The following SUGP2 variants were observed in gnomAD, a reference collection of about 807,000 sequenced individuals.
SUGP2 encodes the protein SURP and G-patch domain containing 2.
Under a neutral mutation model 90.5 loss-of-function variants are expected in SUGP2, and 24 were observed. The ratio of observed to expected loss-of-function variants is 0.27; its 90% CI spans 0.19 to 0.37. SUGP2 has a LOEUF of 0.37. Ranked by LOEUF, SUGP2 falls within the 10% of genes least tolerant of loss-of-function variation. The pLI is 1.00. For missense variants in SUGP2, 1,233 were observed against 1,363.3 expected, an observed-to-expected ratio of 0.90 and a Z score of 1.51; for synonymous variants, 473 against 513.4, an observed-to-expected ratio of 0.92 and a Z score of 1.06.
At chr19:18,994,314 A>C (rs2057483640) in intron 10 of SUGP2, 52 bp downstream of exon 10, 1 of 1,585,942 alleles carries the variant, frequency 6.3e-7, no homozygotes, top group South Asian at 1.1e-5. Context: ...TTCTCTGCAT[A>C]CCAGCACGCC....
At chr19:19,028,596 AAC>A (rs2059021897) in intron 2 of SUGP2, among the ~76,000 whole-genome samples, 1 of 152,242 alleles carries the variant, frequency 6.6e-6, no homozygotes, top group Admixed American at 6.5e-5. Flanking sequence ...GGAGCAGAGA[AAC>A]AGAGAAAGGC....
At chr19:19,021,443 T>C (rs976322382) in intron 3 of SUGP2, among the ~76,000 whole-genome samples, 1 of 152,122 alleles carries the variant, frequency 6.6e-6, no homozygotes, top group East Asian at 1.9e-4. Flanking sequence ...CTACTAGTTT[T>C]ACATGATTTT....
Position 18,994,228 on chromosome 19 carries a change from C to G in SUGP2, c.*138G>C, listed in dbSNP as rs190807094. 2.4e-6 allele frequency: 3 copies of G among 1,227,098 alleles called. No homozygotes were observed. In the South Asian group the frequency reaches 4.2e-5, roughly 17 times the overall value. 76.0% of individuals were successfully genotyped at this position (1,227,098 alleles called of 1,614,324 possible). ...CACATCCATAGACCCTTTTGTTTCCCTCACAGAATTTTGTGATTTTTTTTG... is the reference window on the plus strand; with the variant it reads ...CACATCCATAGACCCTTTTGTTTCCGTCACAGAATTTTGTGATTTTTTTTG... On this transcript the variant is annotated intron_variant, in intron 10 of 10. Coordinates refer to ENST00000452918, the MANE Select transcript of SUGP2 (RefSeq NM_001017392.5).
intron 7 of SUGP2, among the ~76,000 whole-genome samples, chr19:19,003,062 G>T (rs541307945): frequency 6.6e-6 from 1 of 152,234 alleles, no homozygotes; most frequent in African/African-American, 2.4e-5. Flanking sequence ...TCTTGCCTCA[G>T]TCCCGCTAAG....
intron 10 of SUGP2, 48 bp downstream of exon 10, chr19:18,994,318 G>T: frequency 6.3e-7 from 1 of 1,589,742 alleles, no homozygotes; most frequent in Non-Finnish European, 8.6e-7. Context: ...CTGCATACCA[G>T]CACGCCAGCG....
intron 3 of SUGP2, 32 bp from the exon 4 acceptor site, chr19:19,019,261 T>C (rs550417467): frequency 6.3e-7 from 1 of 1,594,400 alleles, no homozygotes; most frequent in African/African-American, 1.3e-5. Context: ...CTCTGAGAAA[T>C]ATGCTGAATG....
rs1044550258 is a variant in SUGP2, at chr19:19,033,264, C to A, written c.-12+173G>T. On this transcript the variant is annotated intron_variant, in intron 1 of 10. Coordinates refer to ENST00000452918, the MANE Select transcript of SUGP2 (RefSeq NM_001017392.5). Reference sequence around the variant, plus strand: ...GGGCGAGGAAATGGGGGCGCCGGGCCCGGGAGGCCGCAGCCGGCCACCCAG... The same window carrying A: ...GGGCGAGGAAATGGGGGCGCCGGGCACGGGAGGCCGCAGCCGGCCACCCAG... 4.2e-5 allele frequency: 29 copies of A among 682,576 alleles called. No individual in the cohort carries two copies. In the African/African-American group the frequency reaches 5.2e-4, roughly 12 times the overall value. 42.3% of individuals were successfully genotyped at this position (682,576 alleles called of 1,614,324 possible).
intron 3 of SUGP2, 139 bp from the exon 4 acceptor site, chr19:19,019,368 G>A: frequency 1.1e-6 from 1 of 933,076 alleles, no homozygotes. Context: ...CAAGACACCA[G>A]CATTGAAAAG....
chr19:18,995,110 C>CCCCCCCA, intron 9 of SUGP2, 34 bp downstream of exon 9: 1 of 1,584,304 alleles, frequency 6.3e-7, no homozygotes, highest in Non-Finnish European at 8.6e-7. Context: ...ACTGAGGCCC[C>CCCCCCCA]ACCCACTCCC....
Position 19,005,261 on chromosome 19 carries a change from A to C in SUGP2, c.2451-615T>G, listed in dbSNP as rs148724771. On this transcript the variant is annotated intron_variant, in intron 6 of 10. Transcript: ENST00000452918. Reference sequence around the variant, plus strand: ...AGCTGTGGCTGGTATGAGAAACTTGAAACACTCCCGAAAGCACCAAAGTCC... The same window carrying C: ...AGCTGTGGCTGGTATGAGAAACTTGCAACACTCCCGAAAGCACCAAAGTCC... Among the ~76,000 whole-genome samples, 449 of 152,244 alleles carry C rather than the reference A, an allele frequency of 2.9e-3. 2 individuals are homozygous for C. Among genetic ancestry groups the C allele is most frequent in the Non-Finnish European group, 5.1e-3 (348 of 68,024 alleles).
chr19:19,027,893 C>T (rs980481965), intron 2 of SUGP2, among the ~76,000 whole-genome samples: 3 of 152,330 alleles, frequency 2.0e-5, no homozygotes, highest in South Asian at 4.1e-4. Flanking sequence ...ACCTCGGCCT[C>T]CCAAAGTGCT....
intron 7 of SUGP2, 110 bp downstream of exon 7, chr19:19,004,053 AGTGGT>A: frequency 1.3e-6 from 1 of 772,002 alleles, no homozygotes; most frequent in South Asian, 1.9e-5. Flanking sequence ...CACATTTTGG[AGTGGT>A]GCACAAAACT....
intron 4 of SUGP2, among the ~76,000 whole-genome samples, chr19:19,015,176 T>TG (rs2058452539): frequency 6.6e-6 from 1 of 151,132 alleles, no homozygotes; most frequent in African/African-American, 2.4e-5. Context: ...CACTCCAGCC[T>TG]GGGGGACAGA....
chr19:18,999,998 G>C (rs892233829), intron 8 of SUGP2, among the ~76,000 whole-genome samples: 8 of 152,124 alleles, frequency 5.3e-5, no homozygotes, highest in African/African-American at 1.9e-4. Flanking sequence ...TGCTCCTCAT[G>C]CCCTGGTCCA....
At chr19:19,030,900 A>C (rs1436202373) in intron 2 of SUGP2, 51 bp downstream of exon 2, 1 of 1,568,862 alleles carries the variant, frequency 6.4e-7, no homozygotes, top group Admixed American at 1.9e-5. Flanking sequence ...CCTTGGCCCT[A>C]AGATACACCC....
chr19:19,033,619 G>C, upstream of SUGP2: 1 of 1,161,316 alleles, frequency 8.6e-7, no homozygotes, highest in Non-Finnish European at 1.1e-6. Context: ...CGGCTCTCTT[G>C]CGCAAGCGCG....
intron 6 of SUGP2, among the ~76,000 whole-genome samples, chr19:19,007,755 C>CTTTTTTTTTTTTTTTTTTTTTT (rs34670209): frequency 1.8e-5 from 2 of 113,434 alleles, no homozygotes; most frequent in Non-Finnish European, 3.6e-5. Flanking sequence ...TGCACCTAGC[C>CTTTTTTTTTTTTTTTTTTTTTT]TTTTTTTTTT....
chr19:19,031,015 G>A lies in SUGP2; in HGVS notation c.57C>T (p.Ala19=). Residue 19 remains alanine, a synonymous_variant, in exon 2 of 11, where the codon GCC becomes GCT. Coordinates refer to ENST00000452918, the MANE Select transcript of SUGP2 (RefSeq NM_001017392.5). ...CACTGGCATCCATGTGATATCGTTTGGCTTTTTCTTGTAATACAGCATCAA... is the reference window on the plus strand; with the variant it reads ...CACTGGCATCCATGTGATATCGTTTAGCTTTTTCTTGTAATACAGCATCAA... ...ETFDAVLQEK[A]KRYHMDASGE... 1 of 1,613,956 alleles carries A rather than the reference G, an allele frequency of 6.2e-7. No individual in the cohort carries two copies. The highest frequency in any genetic ancestry group is 8.5e-7 in the Non-Finnish European group (1 of 1,179,982).
At chr19:18,998,290 T>A (rs2057691141) in intron 8 of SUGP2, among the ~76,000 whole-genome samples, 1 of 152,224 alleles carries the variant, frequency 6.6e-6, no homozygotes. Flanking sequence ...TAAATATGTA[T>A]AACTTTTTTG....
Sources: allele counts gnomAD v4.1 joint callset (sites outside exome capture counted in the v4.1 genomes callset), GRCh38; gene constraint gnomAD v4.1.1; transcripts MANE v1.5; gene names NCBI Gene and HGNC (gene_info 2026-07-23, HGNC 2026-07-21).